The following LRRC28 variants were observed in gnomAD, a reference collection of about 807,000 sequenced individuals.
The protein encoded by LRRC28 is leucine rich repeat containing 28.
A neutral mutation model predicts 45.7 loss-of-function variants in LRRC28; 39 were observed. That is an observed-to-expected ratio of 0.85 (90% CI 0.66 to 1.12). The LOEUF is 1.12. Among genes scored for constraint, LRRC28 ranks in the 50% most tolerant of loss-of-function variants. LRRC28 has a pLI of 0.00. For missense variants in LRRC28, 435 were observed against 438.5 expected, an observed-to-expected ratio of 0.99 and a Z score of 0.07; for synonymous variants, 206 against 178.8, an observed-to-expected ratio of 1.15 and a Z score of -1.22.
rs137953947 is a variant in LRRC28 at position 99,296,117 on chromosome 15, G to A, written c.385+8166G>A. Among the ~76,000 whole-genome samples the A allele has an allele frequency of 2.6e-4, 40 of 152,332 alleles. No homozygotes were observed. The East Asian group carries it at 6.4e-3, about 24-fold the overall frequency. On this transcript the variant is annotated intron_variant, in intron 5 of 9. Transcript: ENST00000301981. ...TGCTTACTACCCTGTTGTTGAGAGT[G>A]TATTGGCATAGGCTGCTGTTCTGCA...
At chr15:99,365,603 T>C (rs1957317882) in intron 9 of LRRC28, among the ~76,000 whole-genome samples, 1 of 152,256 alleles carries the variant, frequency 6.6e-6, no homozygotes, top group South Asian at 2.1e-4. Context: ...TATTTTTTAA[T>C]ATCATAAACT....
chr15:99,380,334 G>T (rs1334886150), intron 9 of LRRC28, among the ~76,000 whole-genome samples: 3 of 152,100 alleles, frequency 2.0e-5, no homozygotes, highest in African/African-American at 7.2e-5. Context: ...TTTAAAGTCT[G>T]TTTTGTCAGA....
chr15:99,297,718 A>C (rs1387755463), intron 5 of LRRC28, among the ~76,000 whole-genome samples: 1 of 151,454 alleles, frequency 6.6e-6, no homozygotes. Context: ...TTTTTACATA[A>C]AATTGTGATA....
intron 7 of LRRC28, among the ~76,000 whole-genome samples, chr15:99,354,179 C>T (rs1245110562): frequency 6.6e-6 from 1 of 152,102 alleles, no homozygotes; most frequent in African/African-American, 2.4e-5. Context: ...AATCAAAACT[C>T]GAAATGCTTT....
intron 7 of LRRC28, among the ~76,000 whole-genome samples, chr15:99,352,733 T>C (rs915417128): frequency 6.6e-6 from 1 of 152,160 alleles, no homozygotes; most frequent in African/African-American, 2.4e-5. Context: ...CCCAGCTTTA[T>C]TGAGGTAGAG....
chr15:99,360,844 C>G (rs1248920621), intron 7 of LRRC28, among the ~76,000 whole-genome samples: 4 of 152,178 alleles, frequency 2.6e-5, no homozygotes, highest in Non-Finnish European at 4.4e-5. Flanking sequence ...ATTTTCCCCA[C>G]AAGTTTATGG....
chr15:99,309,817 G>T (rs923241700), intron 5 of LRRC28, among the ~76,000 whole-genome samples: 6 of 152,196 alleles, frequency 3.9e-5, no homozygotes, highest in Non-Finnish European at 8.8e-5. Context: ...CTCCCTTGAG[G>T]ACAGTGCAGG....
intron 5 of LRRC28, among the ~76,000 whole-genome samples, chr15:99,299,723 C>T (rs971190806): frequency 1.3e-5 from 2 of 151,988 alleles, no homozygotes; most frequent in Non-Finnish European, 2.9e-5. Context: ...TTGTTATGAA[C>T]CCCCCCACTC....
At chr15:99,365,574 A>G (rs1458272814) in intron 9 of LRRC28, among the ~76,000 whole-genome samples, 5 of 152,256 alleles carry the variant, frequency 3.3e-5, no homozygotes, top group Non-Finnish European at 7.3e-5. Flanking sequence ...TTGAATCTCC[A>G]GTAGCTTGTT....
chr15:99,334,611 T>C (rs1421064899), intron 6 of LRRC28, among the ~76,000 whole-genome samples: 2 of 152,206 alleles, frequency 1.3e-5, no homozygotes, highest in Non-Finnish European at 2.9e-5. Context: ...CCTGCTGAGC[T>C]AGAAATGTCA....
At chr15:99,259,531 C>T in intron 2 of LRRC28, 1 of 1,210,966 alleles carries the variant, frequency 8.3e-7, no homozygotes, top group Non-Finnish European at 1.2e-6. Context: ...TATCTCAGTG[C>T]CTGACAGAAT....
intron 6 of LRRC28, among the ~76,000 whole-genome samples, chr15:99,349,671 A>G (rs563820238): frequency 6.6e-6 from 1 of 152,368 alleles, no homozygotes; most frequent in African/African-American, 2.4e-5. Flanking sequence ...AGTAGTCATA[A>G]CATAAACCAC....
intron 9 of LRRC28, among the ~76,000 whole-genome samples, chr15:99,382,716 C>G (rs1279132489): frequency 6.6e-6 from 1 of 151,946 alleles, no homozygotes; most frequent in East Asian, 1.9e-4. Flanking sequence ...TCCAGGTGGG[C>G]AAATCTCAGC....
chr15:99,276,974 A>G (rs1308876638), intron 3 of LRRC28, among the ~76,000 whole-genome samples: 1 of 152,166 alleles, frequency 6.6e-6, no homozygotes, highest in Admixed American at 6.5e-5. Flanking sequence ...CAGGTCGTAT[A>G]AAATGTTTAA....
chr15:99,350,034 G>GC (rs1956823968), intron 6 of LRRC28, among the ~76,000 whole-genome samples: 1 of 151,382 alleles, frequency 6.6e-6, no homozygotes, highest in African/African-American at 2.4e-5. Flanking sequence ...TACTCGGGAG[G>GC]CTGAGGCAGG....
At chr15:99,355,941 C>G (rs1246830318) in intron 7 of LRRC28, among the ~76,000 whole-genome samples, 1 of 152,126 alleles carries the variant, frequency 6.6e-6, no homozygotes. Context: ...GTAGGGGCTG[C>G]CTGCCCCCAG....
At position 99,361,330 on chromosome 15, in the gene LRRC28, C is replaced by G; in HGVS notation, c.696-6C>G. The G allele has an allele frequency of 3.1e-6, 5 of 1,607,912 alleles. No individual in the cohort carries two copies. Among genetic ancestry groups the G allele is most frequent in the Non-Finnish European group, 4.2e-6 (5 of 1,177,720 alleles). Reference sequence around the variant, plus strand: ...AATAATACTGTGAATGTGTGTCTTTCTGCAGCTGTGGTGCTCCCATTCAAG... The same window carrying G: ...AATAATACTGTGAATGTGTGTCTTTGTGCAGCTGTGGTGCTCCCATTCAAG... On this transcript the variant is annotated splice_region_variant and splice_polypyrimidine_tract_variant and intron_variant, in intron 7 of 9. Transcript: ENST00000301981.
intron 3 of LRRC28, among the ~76,000 whole-genome samples, chr15:99,280,810 TC>T (rs2081765502): frequency 6.6e-6 from 1 of 152,158 alleles, no homozygotes; most frequent in South Asian, 2.1e-4. Context: ...TATACCCTGT[TC>T]CTGGCCCCTG....
At chr15:99,297,089 G>A (rs975769703) in intron 5 of LRRC28, among the ~76,000 whole-genome samples, 1 of 150,514 alleles carries the variant, frequency 6.6e-6, no homozygotes, top group Non-Finnish European at 1.5e-5. Flanking sequence ...GCTGAGGCAG[G>A]AGAATCGCCT....
Sources: gnomAD v4.1 joint callset for allele counts (sites outside exome capture counted in the v4.1 genomes callset) on GRCh38, gnomAD v4.1.1 for gene constraint, MANE v1.5 for transcripts, NCBI Gene and HGNC (gene_info 2026-07-23, HGNC 2026-07-21) for gene names.